Variants in RAI1 observed in about 807,000 individuals in gnomAD.
RAI1 encodes retinoic acid-induced protein 1.
Under a neutral mutation model 123.8 loss-of-function variants are expected in RAI1, and 9 were observed. The ratio of observed to expected loss-of-function variants is 0.07; its 90% CI spans 0.04 to 0.13. The LOEUF (loss-of-function observed/expected upper bound fraction) is 0.13, where lower values mean the gene tolerates loss of function less well. Among genes scored for constraint, RAI1 ranks in the 10% least tolerant of loss-of-function variants. The pLI is 1.00. For synonymous variants in RAI1, 1,231 were observed against 1,127.3 expected (o/e 1.09, Z -1.84); for missense variants, 2,256 against 2,545.8 (o/e 0.89, Z 2.45).
At chr17:17,782,533 C>T (rs945390735) in intron 2 of RAI1, among the ~76,000 whole-genome samples, 1 of 147,202 alleles carries the variant, frequency 6.8e-6, no homozygotes, top group Non-Finnish European at 1.5e-5. Flanking sequence ...CTGGCAGTGG[C>T]CCCCCGCCCG....
intron 2 of RAI1, chr17:17,779,527 ATTTT>A (rs949017721): frequency 6.4e-6 from 1 of 155,294 alleles, no homozygotes; most frequent in Non-Finnish European, 1.4e-5. Flanking sequence ...CCCTGAGTGA[ATTTT>A]TTTCAGCACA....
At chr17:17,747,294 T>C (rs1159711704) in intron 2 of RAI1, among the ~76,000 whole-genome samples, 1 of 152,192 alleles carries the variant, frequency 6.6e-6, no homozygotes, top group African/African-American at 2.4e-5. Context: ...GGATGTTTTA[T>C]AACCCCTTCT....
At chr17:17,730,372 C>T (rs78427767) in intron 2 of RAI1, among the ~76,000 whole-genome samples, 1,865 of 152,350 alleles carry the variant, frequency 0.012, 50 homozygotes, top group African/African-American at 0.043. Flanking sequence ...CCCTAGGCCC[C>T]GCAGGGCCGG....
intron 2 of RAI1, chr17:17,782,036 G>C (rs1169735801): frequency 1.3e-5 from 2 of 152,232 alleles, no homozygotes; most frequent in African/African-American, 4.8e-5. Context: ...GAGAGAGGGA[G>C]GCGAAGGGAC....
chr17:17,779,327 C>CGGG (rs2031475244), intron 2 of RAI1: 1 of 218,906 alleles, frequency 4.6e-6, no homozygotes, highest in African/African-American at 2.3e-5. Flanking sequence ...CTGGGGGCAG[C>CGGG]GGGGCGGCCA....
chr17:17,796,678 CGCAGCA>C lies in RAI1; in HGVS notation c.3743_3748del (p.Ser1248_Ser1249del), dbSNP rs760919336. On this transcript the variant is annotated inframe_deletion, in exon 3 of 6. Coordinates refer to ENST00000353383, the MANE Select transcript of RAI1 (RefSeq NM_030665.4). This position sits in a 1 kb window ranked among gnomAD's most constrained non-coding sequence, Gnocchi z 5.8. ...GAAGCGGAACCTGGTCTTGCGGAGC[CGCAGCA>C]GCAGCAGCAGCAACGCCAGTGGCAA... 124 of 1,612,062 alleles carry C rather than the reference CGCAGCA, an allele frequency of 7.7e-5. No homozygotes were observed. Among genetic ancestry groups the C allele is most frequent in the East Asian group, 2.2e-5 (1 of 44,858 alleles).
At chr17:17,774,348 T>C (rs1418603083) in intron 2 of RAI1, among the ~76,000 whole-genome samples, 1 of 152,214 alleles carries the variant, frequency 6.6e-6, no homozygotes, top group East Asian at 1.9e-4. Context: ...CGGTGTTCTT[T>C]CCAAAGACTC....
At chr17:17,759,883 G>GATC (rs2030615346) in intron 2 of RAI1, among the ~76,000 whole-genome samples, 1 of 152,228 alleles carries the variant, frequency 6.6e-6, no homozygotes, top group Admixed American at 6.5e-5. Flanking sequence ...CTGTAATCTT[G>GATC]ATCTGGGGCT....
chr17:17,796,649 C>A lies in RAI1; in HGVS notation c.3701C>A (p.Thr1234Asn). 6.2e-7 allele frequency: 1 copy of A among 1,612,166 alleles called. No individual in the cohort carries two copies. The highest frequency in any genetic ancestry group is 8.5e-7 in the Non-Finnish European group (1 of 1,179,184). Reference sequence around the variant, plus strand: ...TCGGCCTTCATGGCGCCGGTCCCCACCAAGAAGCGGAACCTGGTCTTGCGG... The same window carrying A: ...TCGGCCTTCATGGCGCCGGTCCCCAACAAGAAGCGGAACCTGGTCTTGCGG... Reference protein sequence around the residue: ...RKSAFMAPVPTKKRNLVLRSR... With the variant: ...RKSAFMAPVPNKKRNLVLRSR... Residue 1234 changes from threonine to asparagine, a missense_variant, in exon 3 of 6, where the codon ACC becomes AAC. By Grantham distance (65) the Thr-to-Asn change is moderately conservative. This residue lies in a region of RAI1 where 322 missense variants were observed against 358.0 expected (regional missense o/e 0.90). Coordinates refer to ENST00000353383, the MANE Select transcript of RAI1 (RefSeq NM_030665.4). The surrounding 1 kb of genome is among the most constrained non-coding windows in gnomAD (Gnocchi z 5.8).
chr17:17,698,347 G>A (rs1915103086), intron 1 of RAI1, among the ~76,000 whole-genome samples: 1 of 152,192 alleles, frequency 6.6e-6, no homozygotes, highest in Admixed American at 6.5e-5. Flanking sequence ...AGAACAGCAA[G>A]GAATGATGGG....
intron 2 of RAI1, among the ~76,000 whole-genome samples, chr17:17,738,537 G>A (rs777321820): frequency 2.6e-5 from 4 of 152,208 alleles, no homozygotes; most frequent in Admixed American, 1.3e-4. Flanking sequence ...GGGTGAAGGC[G>A]GGGGCAGAGG....
Position 17,794,826 on chromosome 17 carries a change from G to T in RAI1, c.1878G>T (p.Trp626Cys). 6.2e-7 allele frequency: 1 copy of T among 1,613,120 alleles called. No homozygotes were observed. Among genetic ancestry groups the T allele is most frequent in the African/African-American group, 1.3e-5 (1 of 75,028 alleles). Residue 626 changes from tryptophan (W) to cysteine (C), a missense_variant, in exon 3 of 6, where the codon TGG (tryptophan) becomes TGT (cysteine). Coordinates refer to ENST00000353383, the MANE Select transcript of RAI1 (RefSeq NM_030665.4). Reference sequence around the variant, plus strand: ...TCGGTGAGAAGGCCGACAAAGCTTGGGCTGAAGCACCCAGCCTGGTCAAGG... The same window carrying T: ...TCGGTGAGAAGGCCGACAAAGCTTGTGCTGAAGCACCCAGCCTGGTCAAGG... ...EAIGEKADKAWAEAPSLVKDS... is the reference protein window; with the variant it reads ...EAIGEKADKACAEAPSLVKDS...
At chr17:17,750,805 T>C (rs1032440064) in intron 2 of RAI1, among the ~76,000 whole-genome samples, 3 of 150,872 alleles carry the variant, frequency 2.0e-5, no homozygotes, top group Non-Finnish European at 2.9e-5. Flanking sequence ...GATATTCAAA[T>C]AGACAGGCCA....
At chr17:17,804,713 G>T (rs1453240005) in intron 4 of RAI1, among the ~76,000 whole-genome samples, 1 of 152,170 alleles carries the variant, frequency 6.6e-6, no homozygotes, top group Non-Finnish European at 1.5e-5. Flanking sequence ...AAGCTAGAGT[G>T]CAGGGGTGCA....
In RAI1 at chr17:17,800,062, C is replaced by T. The variant is rs1016264944; in HGVS notation, c.5565+1549C>T. Among the ~76,000 whole-genome samples the T allele has an allele frequency of 6.6e-6, 1 of 152,196 alleles. No homozygotes were observed. Among genetic ancestry groups the T allele is most frequent in the African/African-American group, 2.4e-5 (1 of 41,448 alleles). Reference sequence around the variant, plus strand: ...AGGAAGGCTGGCCCCGACAGGACTCCTGCAGGTTCCTGGTGCCGCGGGCCT... The same window carrying T: ...AGGAAGGCTGGCCCCGACAGGACTCTTGCAGGTTCCTGGTGCCGCGGGCCT... On this transcript the variant is annotated intron_variant, in intron 3 of 5. Transcript: ENST00000353383. The surrounding 1 kb of genome is among the most constrained non-coding windows in gnomAD (Gnocchi z 4.7).
chr17:17,748,141 A>G (rs535918549), intron 2 of RAI1, among the ~76,000 whole-genome samples: 1 of 152,198 alleles, frequency 6.6e-6, no homozygotes, highest in Admixed American at 6.5e-5. Flanking sequence ...GAATGAGGAC[A>G]CCCAATCTTC....
At chr17:17,749,311 C>G (rs966546439) in intron 2 of RAI1, among the ~76,000 whole-genome samples, 3 of 152,216 alleles carry the variant, frequency 2.0e-5, no homozygotes, top group Admixed American at 2.0e-4. Context: ...AGCAGCAACT[C>G]TCCCTCCCTG....
At chr17:17,750,801 C>A (rs1200478445) in intron 2 of RAI1, among the ~76,000 whole-genome samples, 4 of 151,672 alleles carry the variant, frequency 2.6e-5, no homozygotes, top group African/African-American at 9.7e-5. Context: ...TACAGATATT[C>A]AAATAGACAG....
At chr17:17,689,906 G>C (rs544438397) in intron 1 of RAI1, among the ~76,000 whole-genome samples, 12 of 152,312 alleles carry the variant, frequency 7.9e-5, no homozygotes, top group African/African-American at 2.9e-4. Context: ...GCTTCTCAGT[G>C]ACGGTTGGCA....
Sources: gnomAD v4.1 joint callset for allele counts (sites outside exome capture counted in the v4.1 genomes callset) on GRCh38, gnomAD v4.1.1 for gene constraint, gnomAD v4.1.1 regional missense constraint, Gnocchi (gnomAD v3.1) non-coding constraint, MANE v1.5 for transcripts, NCBI Gene and HGNC (gene_info 2026-07-23, HGNC 2026-07-21) for gene names.